Variants in ANKRD27 observed in about 807,000 individuals in gnomAD.
ANKRD27 encodes the protein ankyrin repeat domain 27.
A neutral mutation model predicts 129.7 loss-of-function variants in ANKRD27; 112 were observed. The observed-to-expected ratio is 0.86, with a 90% CI of 0.74 to 1.01. The LOEUF is 1.01. Among genes scored for constraint, ANKRD27 ranks in the 50% least tolerant of loss-of-function variants. The pLI is 0.00. For synonymous variants in ANKRD27, 516 were observed against 511.2 expected (o/e 1.01, Z -0.13); for missense variants, 1,258 against 1,300.5 (o/e 0.97, Z 0.50).
rs57501206 is a variant in ANKRD27 at position 32,597,110 on chromosome 19, CCCTT to C, written c.*1031_*1034del. ...ATTACTTTGTAGAAAAATAATCCCT[CCCTT>C]CCTTCTGTACATACACAAGTATTTC... On this transcript the variant is annotated 3_prime_UTR_variant, in exon 29 of 29. Transcript: ENST00000306065. 39,002 of 152,398 alleles carry C rather than the reference CCCTT, an allele frequency of 0.26. 5,729 individuals are homozygous for C. Among genetic ancestry groups the C allele is most frequent in the East Asian group, 0.48 (2,491 of 5,164 alleles). The allele number at this position is 152,398 out of a possible 1,614,324, so 9.4% of individuals were successfully genotyped here.
intron 10 of ANKRD27, among the ~76,000 whole-genome samples, 198 bp downstream of exon 10, chr19:32,641,826 G>A (rs530553292): frequency 1.4e-5 from 2 of 142,052 alleles, no homozygotes; most frequent in Admixed American, 1.5e-4. Flanking sequence ...GTAGTGCACT[G>A]GTGTGATCAT....
At chr19:32,613,119 T>C (rs879772891) in intron 22 of ANKRD27, among the ~76,000 whole-genome samples, 2 of 152,038 alleles carry the variant, frequency 1.3e-5, no homozygotes, top group African/African-American at 2.4e-5. Context: ...GCAAAACAAA[T>C]GAACAGACAT....
At chr19:32,662,169 G>A (rs1381096366) in intron 1 of ANKRD27, among the ~76,000 whole-genome samples, 1 of 151,848 alleles carries the variant, frequency 6.6e-6, no homozygotes, top group Non-Finnish European at 1.5e-5. Flanking sequence ...AAAATTAGTG[G>A]GGTGTGGTGG....
At chr19:32,639,967 A>ATTTTT (rs35449858) in intron 11 of ANKRD27, among the ~76,000 whole-genome samples, 1 of 147,226 alleles carries the variant, frequency 6.8e-6, no homozygotes, top group African/African-American at 2.5e-5. Flanking sequence ...CAGTGCTGCC[A>ATTTTT]TTTTTTTTTT....
chr19:32,600,131 T>C (rs1352902974), intron 26 of ANKRD27, 81 bp from the exon 27 acceptor site: 2 of 1,074,210 alleles, frequency 1.9e-6, no homozygotes, highest in Non-Finnish European at 2.8e-6. Context: ...AGACACAATC[T>C]TTCTATTCTC....
chr19:32,619,020 C>T (rs1468741858), intron 20 of ANKRD27, among the ~76,000 whole-genome samples: 1 of 152,246 alleles, frequency 6.6e-6, no homozygotes, highest in Admixed American at 6.5e-5. Context: ...CGCACTCTAC[C>T]ACACTAATTG....
chr19:32,645,058 C>T (rs1298616874), intron 4 of ANKRD27, among the ~76,000 whole-genome samples: 2 of 152,188 alleles, frequency 1.3e-5, no homozygotes, highest in African/African-American at 4.8e-5. Context: ...CCACTGAAAA[C>T]AATTATATAG....
chr19:32,608,487 G>A (rs754452609), intron 22 of ANKRD27: 5 of 244,538 alleles, frequency 2.0e-5, no homozygotes, highest in Non-Finnish European at 4.3e-5. Flanking sequence ...ACTTTTTGAT[G>A]ATTAAAAATG....
At chr19:32,611,899 C>A (rs10411319) in intron 22 of ANKRD27, among the ~76,000 whole-genome samples, 90,151 of 151,932 alleles carry the variant, frequency 0.59, 27,732 homozygotes, top group Non-Finnish European at 0.69. Context: ...TTTCTATTTT[C>A]TATTTTATAT....
intron 1 of ANKRD27, among the ~76,000 whole-genome samples, chr19:32,661,712 A>G (rs1599774488): frequency 1.3e-5 from 2 of 152,204 alleles, no homozygotes; most frequent in African/African-American, 4.8e-5. Context: ...ATCCTCTTGT[A>G]TACCCAAGTC....
chr19:32,626,744 G>A lies in ANKRD27; in HGVS notation c.1504C>T (p.Leu502=). ...CTCTGGTAGCCCTTCTGACAGGCCA[G>A]GTGGAGCGGAGTGGCTCCATGGTAG... The part of the protein sequence containing the change: ...TDYHGATPLH[L]ACQKGYQSVT... Residue 502 remains leucine (L), a synonymous_variant, in exon 16 of 29, where the codon CTG becomes TTG. Transcript: ENST00000306065. 1 of 1,612,106 alleles carries A rather than the reference G, an allele frequency of 6.2e-7. No homozygotes were observed. The highest frequency in any genetic ancestry group is 1.1e-5 in the South Asian group (1 of 90,578).
intron 21 of ANKRD27, 128 bp from the exon 22 acceptor site, chr19:32,615,908 T>C: frequency 7.6e-6 from 10 of 1,313,034 alleles, no homozygotes; most frequent in Non-Finnish European, 1.0e-5. Context: ...CACAGCCATT[T>C]ATAACCGGCT....
intron 1 of ANKRD27, among the ~76,000 whole-genome samples, chr19:32,667,832 CA>C (rs10667176): frequency 3.9e-4 from 52 of 134,892 alleles, no homozygotes; most frequent in Non-Finnish European, 3.3e-4. Flanking sequence ...AACTCCGTCT[CA>C]AAAAAAAAAA....
At position 32,607,626 on chromosome 19, in the gene ANKRD27, A is replaced by G; in HGVS notation, c.2373+9T>C. 6.2e-7 allele frequency: 1 copy of G among 1,610,438 alleles called. No homozygotes were observed. The highest frequency in any genetic ancestry group is 2.2e-5 in the East Asian group (1 of 44,840). On this transcript the variant is annotated intron_variant, in intron 23 of 28. Coordinates refer to ENST00000306065, the MANE Select transcript of ANKRD27 (RefSeq NM_032139.3). ...CCCTGCTCCACCACCCCCAACACACAGCCCGAACCTGAAAGTGGCCCTGCT... is the reference window on the plus strand; with the variant it reads ...CCCTGCTCCACCACCCCCAACACACGGCCCGAACCTGAAAGTGGCCCTGCT...
intron 1 of ANKRD27, among the ~76,000 whole-genome samples, chr19:32,669,171 C>T (rs1326146636): frequency 1.3e-5 from 2 of 152,128 alleles, no homozygotes; most frequent in Admixed American, 6.6e-5. Flanking sequence ...CACACAGGCC[C>T]CTCAACTAAT....
At chr19:32,605,499 C>T (rs1486199885) in intron 24 of ANKRD27, among the ~76,000 whole-genome samples, 1 of 152,312 alleles carries the variant, frequency 6.6e-6, no homozygotes, top group Admixed American at 6.5e-5. Context: ...CTAATGCATT[C>T]ACATAACCTT....
At chr19:32,641,583 T>C (rs571678837) in intron 10 of ANKRD27, among the ~76,000 whole-genome samples, 1 of 152,278 alleles carries the variant, frequency 6.6e-6, no homozygotes, top group South Asian at 2.1e-4. Flanking sequence ...CCAGGACAGC[T>C]ATGAGCTCAC....
At chr19:32,629,658 C>T (rs2145286083) in intron 13 of ANKRD27, among the ~76,000 whole-genome samples, 1 of 152,114 alleles carries the variant, frequency 6.6e-6, no homozygotes, top group Non-Finnish European at 1.5e-5. Context: ...CAAGATCGCA[C>T]CATTACACTC....
intron 4 of ANKRD27, among the ~76,000 whole-genome samples, chr19:32,646,256 G>C (rs928260264): frequency 6.6e-6 from 1 of 151,312 alleles, no homozygotes; most frequent in Non-Finnish European, 1.5e-5. Flanking sequence ...TTTTTATAGA[G>C]ACAGGGTCTC....
Sources: gnomAD v4.1 joint callset for allele counts (sites outside exome capture counted in the v4.1 genomes callset) on GRCh38, gnomAD v4.1.1 for gene constraint, MANE v1.5 for transcripts, NCBI Gene and HGNC (gene_info 2026-07-23, HGNC 2026-07-21) for gene names.